Variants in SH3GL3 observed in about 807,000 individuals in gnomAD.
SH3GL3 encodes SH3 domain containing GRB2 like 3, endophilin A3, also known as endophilin-A3.
A neutral mutation model predicts 47.7 loss-of-function variants in SH3GL3; 33 were observed. That is an observed-to-expected ratio of 0.69 (90% CI 0.52 to 0.92). The LOEUF is 0.92. Ranked by LOEUF, SH3GL3 falls within the 40% of genes least tolerant of loss-of-function variation. The probability of loss-of-function intolerance (pLI) is 0.00; values close to 1 mark genes in which losing one functional copy is unlikely to be tolerated. For missense variants in SH3GL3, 363 were observed against 417.8 expected, an observed-to-expected ratio of 0.87 and a Z score of 1.14; for synonymous variants, 155 against 148.8, an observed-to-expected ratio of 1.04 and a Z score of -0.30.
intron 1 of SH3GL3, among the ~76,000 whole-genome samples, chr15:83,495,382 G>T (rs1174598621): frequency 6.6e-6 from 1 of 152,156 alleles, no homozygotes; most frequent in Non-Finnish European, 1.5e-5. Context: ...CTCGGAACTG[G>T]CTTTGAGAAA....
At chr15:83,477,873 C>T (rs142786496) in intron 1 of SH3GL3, among the ~76,000 whole-genome samples, 112 of 152,082 alleles carry the variant, frequency 7.4e-4, no homozygotes, top group Non-Finnish European at 7.9e-4. Context: ...ATAGATTTTG[C>T]GGGAACAAAT....
intron 8 of SH3GL3, among the ~76,000 whole-genome samples, chr15:83,601,948 C>CAA (rs578253442): frequency 3.2e-4 from 37 of 114,892 alleles, no homozygotes; most frequent in Middle Eastern, 4.8e-3. Flanking sequence ...GTTTGTGTCT[C>CAA]AAAAAAAAAA....
intron 6 of SH3GL3, among the ~76,000 whole-genome samples, chr15:83,582,133 C>T (rs1413437841): frequency 6.6e-6 from 1 of 152,250 alleles, no homozygotes; most frequent in Non-Finnish European, 1.5e-5. Context: ...GGCTTGTTAA[C>T]ACACTGTCAC....
In SH3GL3 at chr15:83,607,652, G is replaced by A. The variant is rs575856426; in HGVS notation, c.839-10430G>A. The stretch of plus-strand genomic sequence containing the variant: ...TAGCCTTTCTGATTTTTCAAGAGAA[G>A]CCAGAAACCCTATGTTTATGTGACA... On this transcript the variant is annotated intron_variant, in intron 8 of 8. Transcript: ENST00000427482. Among the ~76,000 whole-genome samples the A allele has an allele frequency of 2.6e-5, 4 of 152,150 alleles. No homozygotes were observed. The South Asian group carries it at 8.3e-4, about 32-fold the overall frequency.
chr15:83,482,251 G>A (rs1456256858), intron 1 of SH3GL3, among the ~76,000 whole-genome samples: 2 of 151,900 alleles, frequency 1.3e-5, no homozygotes, highest in African/African-American at 4.8e-5. Flanking sequence ...CATATATCTT[G>A]TAATGGTTTA....
chr15:83,464,779 C>G (rs1043729130), intron 1 of SH3GL3, among the ~76,000 whole-genome samples: 2 of 152,098 alleles, frequency 1.3e-5, no homozygotes, highest in African/African-American at 4.8e-5. Flanking sequence ...GCCATCATTT[C>G]TTGCCCCCAT....
chr15:83,615,323 A>AT (rs1411943454), intron 8 of SH3GL3, among the ~76,000 whole-genome samples: 1 of 152,032 alleles, frequency 6.6e-6, no homozygotes, highest in Non-Finnish European at 1.5e-5. Context: ...TTATTTATTT[A>AT]TTTATTTTTG....
intron 1 of SH3GL3, among the ~76,000 whole-genome samples, chr15:83,453,421 T>C (rs1437210042): frequency 1.0e-5 from 1 of 97,164 alleles, no homozygotes; most frequent in Admixed American, 1.2e-4. Flanking sequence ...AATTCGGCTG[T>C]GAATCCATCT....
chr15:83,584,466 C>G (rs954644221), intron 6 of SH3GL3, among the ~76,000 whole-genome samples: 7 of 152,176 alleles, frequency 4.6e-5, no homozygotes, highest in African/African-American at 1.7e-4. Context: ...ATGATTCTGT[C>G]TACCTCAGGC....
intron 1 of SH3GL3, among the ~76,000 whole-genome samples, chr15:83,486,472 T>A (rs2041602001): frequency 6.6e-6 from 1 of 152,218 alleles, no homozygotes; most frequent in South Asian, 2.1e-4. Context: ...TCTGGATATT[T>A]TATATGAATG....
chr15:83,605,829 A>G (rs1317450919), intron 8 of SH3GL3, among the ~76,000 whole-genome samples: 2 of 152,080 alleles, frequency 1.3e-5, no homozygotes, highest in Non-Finnish European at 2.9e-5. Context: ...CCAAAGAGAA[A>G]AGGAGGCCAG....
chr15:83,481,624 G>T (rs1306984970), intron 1 of SH3GL3, among the ~76,000 whole-genome samples: 3 of 152,186 alleles, frequency 2.0e-5, no homozygotes, highest in Non-Finnish European at 4.4e-5. Flanking sequence ...TCATATATCT[G>T]AAAGAGCACA....
chr15:83,514,494 G>A (rs938940265), intron 1 of SH3GL3, among the ~76,000 whole-genome samples: 1 of 152,150 alleles, frequency 6.6e-6, no homozygotes, highest in Non-Finnish European at 1.5e-5. Context: ...GGAATCTGGC[G>A]AAGTCTATTG....
intron 8 of SH3GL3, among the ~76,000 whole-genome samples, chr15:83,603,277 C>G (rs1013434970): frequency 6.6e-6 from 1 of 152,150 alleles, no homozygotes; most frequent in Non-Finnish European, 1.5e-5. Flanking sequence ...TGTCACCACA[C>G]TGGCCACAAC....
intron 8 of SH3GL3, among the ~76,000 whole-genome samples, chr15:83,591,617 G>T (rs2060100392): frequency 6.6e-6 from 1 of 152,048 alleles, no homozygotes; most frequent in African/African-American, 2.4e-5. Flanking sequence ...CAGGCCCCAT[G>T]AATTTTCTCA....
chr15:83,594,055 G>A (rs1298640472), intron 8 of SH3GL3, among the ~76,000 whole-genome samples: 1 of 152,230 alleles, frequency 6.6e-6, no homozygotes, highest in Non-Finnish European at 1.5e-5. Flanking sequence ...CTGGGCTCAA[G>A]CTATTCGCCT....
intron 1 of SH3GL3, among the ~76,000 whole-genome samples, chr15:83,486,925 C>G (rs1304104943): frequency 6.6e-6 from 1 of 152,096 alleles, no homozygotes; most frequent in Non-Finnish European, 1.5e-5. Context: ...GCCTCTCTTC[C>G]TCTTCTTTAT....
chr15:83,455,122 TG>T (rs1374108508), intron 1 of SH3GL3, among the ~76,000 whole-genome samples: 1 of 54,806 alleles, frequency 1.8e-5, no homozygotes, highest in African/African-American at 7.1e-5. Flanking sequence ...TCTTTAAGAA[TG>T]TTGAATATTG....
At chr15:83,591,051 A>G (rs2060082885) in intron 8 of SH3GL3, among the ~76,000 whole-genome samples, 2 of 152,154 alleles carry the variant, frequency 1.3e-5, no homozygotes, top group African/African-American at 2.4e-5. Flanking sequence ...TCTGTAGCCC[A>G]GGCTGGAGTA....
Sources: gnomAD v4.1 joint callset for allele counts (sites outside exome capture counted in the v4.1 genomes callset) on GRCh38, gnomAD v4.1.1 for gene constraint, MANE v1.5 for transcripts, NCBI Gene and HGNC (gene_info 2026-07-23, HGNC 2026-07-21) for gene names.